Variants in PSD4 observed in about 807,000 individuals in gnomAD.
PSD4 encodes the protein PH and SEC7 domain-containing protein 4.
In PSD4, 59 loss-of-function variants were observed where a neutral mutation model predicts 112.5. That is an observed-to-expected ratio of 0.52 (90% confidence interval 0.43 to 0.65). The LOEUF (loss-of-function observed/expected upper bound fraction) is 0.65, where lower values mean the gene tolerates loss of function less well. Among genes scored for constraint, PSD4 ranks in the 30% least tolerant of loss-of-function variants. The probability of loss-of-function intolerance (pLI) is 0.00; values close to 1 mark genes in which losing one functional copy is unlikely to be tolerated. For missense variants in PSD4, 1,267 were observed against 1,352.6 expected, an observed-to-expected ratio of 0.94 and a Z score of 0.99; for synonymous variants, 533 against 540.0, an observed-to-expected ratio of 0.99 and a Z score of 0.18.
At position 113,182,936 on chromosome 2, in the gene PSD4, C is replaced by G. The variant is rs1428154026; in HGVS notation, c.480C>G (p.Ile160Met). Reference sequence around the variant, plus strand: ...CACAGGTAGTGTTCTGGGCAGGCATCCTGCAGGCCCAGATGTGTGTCCTAG... The same window carrying G: ...CACAGGTAGTGTTCTGGGCAGGCATGCTGCAGGCCCAGATGTGTGTCCTAG... ...TSTQVVFWAG[I>M]LQAQMCVLDL... The change falls in exon 2 of 17, where the codon ATC becomes ATG. Residue 160 changes from isoleucine to methionine, a missense_variant. This residue lies in a region of PSD4 where 723 missense variants were observed against 704.0 expected (regional missense o/e 1.03). Coordinates refer to ENST00000245796, the MANE Select transcript of PSD4 (RefSeq NM_012455.3). 1 of 1,614,100 alleles carries G rather than the reference C, an allele frequency of 6.2e-7. No homozygotes were observed. Among genetic ancestry groups the G allele is most frequent in the African/African-American group, 1.3e-5 (1 of 74,928 alleles).
rs1165380200 is a variant in PSD4, at chr2:113,203,313, AT to A, written c.*1900del. The stretch of plus-strand genomic sequence containing the variant: ...CTGGGGAAGTGTGCTGAAAAGACAC[AT>A]TCCCAGCCCACACCCAGGGATGCTG... On this transcript the variant is annotated 3_prime_UTR_variant, in exon 17 of 17. Transcript: ENST00000245796. 6.6e-6 allele frequency: 1 copy of A among 152,210 alleles called. No individual in the cohort carries two copies. Among genetic ancestry groups the A allele is most frequent in the African/African-American group, 2.4e-5 (1 of 41,450 alleles). 9.4% of individuals were successfully genotyped at this position (152,210 alleles called of 1,614,324 possible).
At chr2:113,197,979 C>T in intron 14 of PSD4, 66 bp downstream of exon 14, 1 of 1,439,948 alleles carries the variant, frequency 6.9e-7, no homozygotes, top group Non-Finnish European at 9.2e-7. Flanking sequence ...TCCCCTGACC[C>T]TGCTGACACC....
In PSD4 at chr2:113,196,290, A is replaced by G; in HGVS notation, c.2369A>G (p.Asp790Gly). The change falls in exon 12 of 17, where the codon GAT becomes GGT. Residue 790 changes from aspartate (D) to glycine (G), a missense_variant. Physicochemically the swap from Asp to Gly is moderately conservative, Grantham distance 94 (BLOSUM62 -1). Transcript: ENST00000245796. ...ATCCTGGCTCGGAAAATGCATCAAG[A>G]TGCAGACGGCAAGAAGAGTGAGTGT... The part of the protein sequence containing the change: ...QGILARKMHQ[D>G]ADGKKTPWGK... 1 of 1,613,540 alleles carries G rather than the reference A, an allele frequency of 6.2e-7. No homozygotes were observed. The highest frequency in any genetic ancestry group is 2.2e-5 in the East Asian group (1 of 44,844).
intron 9 of PSD4, 104 bp from the exon 10 acceptor site, chr2:113,193,755 T>C (rs1688522943): frequency 2.6e-6 from 4 of 1,553,050 alleles, no homozygotes; most frequent in South Asian, 2.2e-5. Flanking sequence ...CCCTGAGGGA[T>C]GTGGGCCTGG....
At chr2:113,188,738 G>A (rs1472769588) in intron 5 of PSD4, among the ~76,000 whole-genome samples, 5 of 152,020 alleles carry the variant, frequency 3.3e-5, no homozygotes, top group East Asian at 1.9e-4. Context: ...CCGCCACTGC[G>A]CCCGGCTAAT....
rs1309442937 is a variant in PSD4 at position 113,192,973 on chromosome 2, C to A, written c.1839-75C>A. ...CCCCCACCGCATAATGTGTGCAGGC[C>A]CTGGGGGCCCCAGTGCATCTGCAGC... On this transcript the variant is annotated intron_variant, in intron 6 of 16. Transcript: ENST00000245796. 7.6e-6 allele frequency: 11 copies of A among 1,449,104 alleles called. No individual in the cohort carries two copies. In the Admixed American group the frequency reaches 1.8e-4, roughly 24 times the overall value. 89.8% of individuals were successfully genotyped at this position (1,449,104 alleles called of 1,614,324 possible). A position where few individuals can be genotyped will look rare whatever the true frequency, so the allele number is the denominator to read the frequency against.
At chr2:113,175,518 G>A (rs762311559) in intron 1 of PSD4, among the ~76,000 whole-genome samples, 24 of 152,212 alleles carry the variant, frequency 1.6e-4, no homozygotes, top group Non-Finnish European at 2.8e-4. Flanking sequence ...TCCACTCATG[G>A]TTCCTGCCTG....
rs116947831 is a variant in PSD4, at chr2:113,194,936, A to G, written c.2182-791A>G. Among the ~76,000 whole-genome samples, 187 of 152,328 alleles carry G rather than the reference A, an allele frequency of 1.2e-3. 3 individuals carry two copies. In the East Asian group the frequency reaches 0.031, roughly 25 times the overall value. On this transcript the variant is annotated intron_variant, in intron 10 of 16. Transcript: ENST00000245796. ...TGCCAGACTTTTTGCTAGGCACCGC[A>G]AGAGCTATAGAAGCAAGCGAGATAA...
Position 113,183,183 on chromosome 2 carries a change from A to G in PSD4, c.727A>G (p.Ser243Gly), listed in dbSNP as rs1210971998. 6 of 1,614,124 alleles carry G rather than the reference A, an allele frequency of 3.7e-6. No homozygotes were observed. The highest frequency in any genetic ancestry group is 5.1e-6 in the Non-Finnish European group (6 of 1,180,016). Residue 243 changes from serine to glycine, a missense_variant, in exon 2 of 17, where the codon AGC becomes GGC. Physicochemically the swap from Ser to Gly is moderately conservative, Grantham distance 56. This residue lies in a region of PSD4 where 723 missense variants were observed against 704.0 expected (regional missense o/e 1.03). Transcript: ENST00000245796. ...CCCACAGTGGGGAGCTGAGGAGGAG[A>G]GCATGTTCTTCAGCAACCCCCTCTT... ...SSPQWGAEEE[S>G]MFFSNPLFLA...
chr2:113,197,762 T>A lies in PSD4; in HGVS notation c.2473T>A (p.Cys825Ser). 1 of 1,609,038 alleles carries A rather than the reference T, an allele frequency of 6.2e-7. No individual in the cohort carries two copies. Among genetic ancestry groups the A allele is most frequent in the South Asian group, 1.1e-5 (1 of 90,932 alleles). Reference protein sequence around the residue: ...LYFLKQGEDHCLEGESLVGQM... With the variant: ...LYFLKQGEDHSLEGESLVGQM... ...TGACTGGTAGCAGGGAGAAGACCACTGTCTGGAGGGGGAGAGCTTGGTGGG... is the reference window on the plus strand; with the variant it reads ...TGACTGGTAGCAGGGAGAAGACCACAGTCTGGAGGGGGAGAGCTTGGTGGG... Residue 825 changes from cysteine to serine, a missense_variant, in exon 14 of 17, where the codon TGT (cysteine) becomes AGT (serine). This residue lies in a region of PSD4 where 544 missense variants were observed against 648.6 expected (regional missense o/e 0.84). Coordinates refer to ENST00000245796, the MANE Select transcript of PSD4 (RefSeq NM_012455.3).
In PSD4 at chr2:113,202,248, A is replaced by G. The variant is rs1688794602; in HGVS notation, c.*833A>G. On this transcript the variant is annotated 3_prime_UTR_variant, in exon 17 of 17. Transcript: ENST00000245796. ...AGGAACAAGGAGCCTTTGTTCCAAC[A>G]GAGCAGAGAAGGAGGTTCTCTATGT... 1 of 152,360 alleles carries G rather than the reference A, an allele frequency of 6.6e-6. No homozygotes were observed. Among genetic ancestry groups the G allele is most frequent in the Admixed American group, 6.5e-5 (1 of 15,290 alleles). The allele number at this position is 152,360 out of a possible 1,614,324, so 9.4% of individuals were successfully genotyped here.
chr2:113,200,398 C>T (rs1688742134), intron 16 of PSD4, among the ~76,000 whole-genome samples: 1 of 152,196 alleles, frequency 6.6e-6, no homozygotes, highest in South Asian at 2.1e-4. Context: ...TCAACATCGC[C>T]TCCTGCCTGT....
chr2:113,193,891 C>A lies in PSD4; in HGVS notation c.2124C>A (p.Phe708Leu). 6.2e-7 allele frequency: 1 copy of A among 1,614,126 alleles called. No homozygotes were observed. Among genetic ancestry groups the A allele is most frequent in the South Asian group, 1.1e-5 (1 of 91,084 alleles). ...GGAAGAGCATGAGCTGCCAGGAATTCATAACCAACCTGAATGGGCTGAGGG... is the reference window on the plus strand; with the variant it reads ...GGAAGAGCATGAGCTGCCAGGAATTAATAACCAACCTGAATGGGCTGAGGG... ...NIGKSMSCQE[F>L]ITNLNGLRDG... Residue 708 changes from phenylalanine to leucine, a missense_variant, in exon 10 of 17, where the codon TTC becomes TTA. Coordinates refer to ENST00000245796, the MANE Select transcript of PSD4 (RefSeq NM_012455.3).
rs1292380480 is a variant in PSD4, at chr2:113,203,466, C to T, written c.*2051C>T. Reference sequence around the variant, plus strand: ...TCATTTGATTGAAGTGGAATCCCAGCATCAAGTGGACATGACTTTTGGCCC... The same window carrying T: ...TCATTTGATTGAAGTGGAATCCCAGTATCAAGTGGACATGACTTTTGGCCC... On this transcript the variant is annotated 3_prime_UTR_variant, in exon 17 of 17. Transcript: ENST00000245796. 6.6e-6 allele frequency: 1 copy of T among 151,376 alleles called. No individual in the cohort carries two copies. The highest frequency in any genetic ancestry group is 1.9e-4 in the East Asian group (1 of 5,162). The allele number at this position is 151,376 out of a possible 1,614,324, so 9.4% of individuals were successfully genotyped here.
intron 1 of PSD4, among the ~76,000 whole-genome samples, chr2:113,175,713 A>T (rs1687955952): frequency 6.6e-6 from 1 of 152,076 alleles, no homozygotes; most frequent in Non-Finnish European, 1.5e-5. Context: ...AGAGACAGGC[A>T]CCCTCCGGAT....
chr2:113,192,965 G>C (rs921592361), intron 6 of PSD4, 83 bp from the exon 7 acceptor site: 46 of 1,363,952 alleles, frequency 3.4e-5, no homozygotes, highest in Non-Finnish European at 4.7e-5. Context: ...CGCATAATGT[G>C]TGCAGGCCCT....
chr2:113,191,673 T>G (rs1688443505), intron 5 of PSD4, among the ~76,000 whole-genome samples: 1 of 152,202 alleles, frequency 6.6e-6, no homozygotes, highest in East Asian at 1.9e-4. Context: ...ACCCCACACT[T>G]GATTGTAATG....
At chr2:113,192,732 C>A in intron 6 of PSD4, 143 bp downstream of exon 6, 1 of 857,170 alleles carries the variant, frequency 1.2e-6, no homozygotes, top group Non-Finnish European at 1.8e-6. Context: ...TTCCCCCATA[C>A]CCTCACTGTA....
chr2:113,184,649 G>A (rs1363025810), intron 2 of PSD4, among the ~76,000 whole-genome samples: 1 of 152,172 alleles, frequency 6.6e-6, no homozygotes, highest in Non-Finnish European at 1.5e-5. Context: ...CTGGGATTAA[G>A]TGAGCCACTG....
Sources: allele counts gnomAD v4.1 joint callset (sites outside exome capture counted in the v4.1 genomes callset), GRCh38; gene constraint gnomAD v4.1.1; regional missense constraint gnomAD v4.1.1; transcripts MANE v1.5; gene names NCBI Gene and HGNC (gene_info 2026-07-23, HGNC 2026-07-21).